The following HEPH variants were observed in gnomAD, a reference collection of about 807,000 sequenced individuals.
The protein encoded by HEPH is hephaestin.
In HEPH, 69 loss-of-function variants were observed where a neutral mutation model predicts 80.8. The ratio of observed to expected loss-of-function variants is 0.85; its 90% CI spans 0.70 to 1.04. The LOEUF is 1.04. HEPH is among the 50% of genes least tolerant of loss of function. The pLI is 0.00. For synonymous variants in HEPH, 431 were observed against 322.8 expected, an observed-to-expected ratio of 1.34 and a Z score of -3.60; for missense variants, 1,115 against 891.3, an observed-to-expected ratio of 1.25 and a Z score of -3.20.
At chrX:66,234,296 A>T (rs202007742) in intron 15 of HEPH, among the ~76,000 whole-genome samples, 1,679 of 105,523 alleles carry the variant, frequency 0.016, 26 homozygotes, top group African/African-American at 0.048. Context: ...TTCTTTTTTT[A>T]AAAAAAAAAA....
intron 1 of HEPH, among the ~76,000 whole-genome samples, chrX:66,169,096 G>A (rs189540379): frequency 1.8e-5 from 2 of 111,058 alleles, no homozygotes; most frequent in African/African-American, 3.3e-5. Context: ...CAACTCTACC[G>A]ATTTTTATCT....
chrX:66,246,097 TG>T (rs1413614425), intron 15 of HEPH, among the ~76,000 whole-genome samples: 1 of 111,869 alleles, frequency 8.9e-6, no homozygotes, highest in African/African-American at 3.3e-5. Flanking sequence ...GTGGGACTGC[TG>T]GGTTGGAAGC....
At chrX:66,229,598 T>A (rs2090036440) in intron 15 of HEPH, among the ~76,000 whole-genome samples, 1 of 111,458 alleles carries the variant, frequency 9.0e-6, no homozygotes, top group African/African-American at 3.3e-5. Flanking sequence ...AAAAACCTAT[T>A]GAAATAAAAA....
rs774534769 is a variant in HEPH, at chrX:66,197,767, C to G, written c.1586C>G (p.Ala529Gly). Residue 529 changes from alanine (A) to glycine (G), a missense_variant, in exon 10 of 21, where the codon GCT becomes GGT. Around this residue, in one of 3 missense-constraint regions of HEPH, gnomAD observed 716 missense variants for 523.5 expected, o/e 1.37. Coordinates refer to ENST00000343002, the MANE Select transcript of HEPH (RefSeq NM_001367233.3). The stretch of plus-strand genomic sequence containing the variant: ...GTCCCCCCTCATGCCGGTCCCACTG[C>G]TCAGGATCCTGCTTGTCTCACTTGG... ...WTVPPHAGPT[A>G]QDPACLTWMY... 9.9e-6 allele frequency: 12 copies of G among 1,209,968 alleles called. No individual in the cohort carries two copies. Among genetic ancestry groups the G allele is most frequent in the Middle Eastern group, 2.3e-4 (1 of 4,358 alleles).
chrX:66,232,296 A>C (rs60406733), intron 15 of HEPH, among the ~76,000 whole-genome samples: 1 of 111,079 alleles, frequency 9.0e-6, no homozygotes, highest in African/African-American at 3.3e-5. Flanking sequence ...GCCTCATAAA[A>C]TGAGTTAGGG....
chrX:66,208,627 CATACATATATAT>C (rs2088933660), intron 15 of HEPH, among the ~76,000 whole-genome samples: 1 of 35,785 alleles, frequency 2.8e-5, no homozygotes, highest in African/African-American at 9.9e-5. Context: ...CAAATATATA[CATACATATATAT>C]ATATATATAT....
At chrX:66,254,123 A>G (rs941523931) in intron 15 of HEPH, among the ~76,000 whole-genome samples, 1 of 111,892 alleles carries the variant, frequency 8.9e-6, no homozygotes, top group Non-Finnish European at 1.9e-5. Flanking sequence ...GTTAGAAAAG[A>G]TTAATATAGC....
chrX:66,253,912 A>G (rs1428534284), intron 15 of HEPH, among the ~76,000 whole-genome samples: 1 of 111,484 alleles, frequency 9.0e-6, no homozygotes, highest in African/African-American at 3.3e-5. Flanking sequence ...AGAAAGTGGA[A>G]TATTGATTAC....
intron 15 of HEPH, among the ~76,000 whole-genome samples, chrX:66,233,341 C>T (rs781712559): frequency 1.2e-4 from 13 of 111,479 alleles, no homozygotes; most frequent in African/African-American, 2.9e-4. Flanking sequence ...TGTTTTGAGG[C>T]CCCAGAGAGC....
chrX:66,252,604 A>T (rs2091041313), intron 15 of HEPH, among the ~76,000 whole-genome samples: 1 of 112,035 alleles, frequency 8.9e-6, no homozygotes, highest in South Asian at 3.7e-4. Context: ...AAGGTATGAC[A>T]TGAACAAAGA....
At chrX:66,240,557 C>G (rs622743) in intron 15 of HEPH, among the ~76,000 whole-genome samples, 1 of 105,289 alleles carries the variant, frequency 9.5e-6, no homozygotes, top group African/African-American at 3.4e-5. Flanking sequence ...AGACATACAA[C>G]GTAAAATCTA....
intron 13 of HEPH, among the ~76,000 whole-genome samples, chrX:66,206,332 C>T (rs996661425): frequency 1.1e-4 from 8 of 70,366 alleles, no homozygotes; most frequent in African/African-American, 3.7e-4. Flanking sequence ...ACAAGGAAAC[C>T]TGCCATCTTT....
intron 1 of HEPH, among the ~76,000 whole-genome samples, chrX:66,167,576 G>A (rs961765551): frequency 3.6e-5 from 4 of 112,235 alleles, no homozygotes; most frequent in Non-Finnish European, 7.5e-5. Context: ...GGAATGAACC[G>A]AGGACACTCC....
At chrX:66,224,851 CTCTGTCTCTGATTT>C (rs1205198702) in intron 15 of HEPH, among the ~76,000 whole-genome samples, 1 of 109,795 alleles carries the variant, frequency 9.1e-6, no homozygotes, top group African/African-American at 3.3e-5. Context: ...CTTTCTCTCT[CTCTGTCTCTGATTT>C]TCTGTCTCTT....
In HEPH at chrX:66,193,554, T is replaced by C; in HGVS notation, c.1285T>C (p.Trp429Arg). ...KSSSRIGGTY[W>R]KVRYEAFQDE... is the part of the protein sequence containing the mutation. ...CTCCAGCCGAATTGGGGGCACTTAC[T>C]GGAAAGTGCGATATGAAGCCTTTCA... is the stretch of plus-strand genomic sequence containing the variant. The change falls in exon 8 of 21, where the codon TGG (tryptophan) becomes CGG (arginine). Residue 429 changes from tryptophan to arginine, a missense_variant. Physicochemically the swap from Trp to Arg is moderately radical, Grantham distance 101. This residue lies in a region of HEPH where 391 missense variants were observed against 343.6 expected (regional missense o/e 1.14). Transcript: ENST00000343002. The C allele has an allele frequency of 8.4e-7, 1 of 1,189,088 alleles. No individual in the cohort carries two copies. Among genetic ancestry groups the C allele is most frequent in the South Asian group, 1.8e-5 (1 of 54,565 alleles).
chrX:66,230,058 G>T (rs1215094982), intron 15 of HEPH, among the ~76,000 whole-genome samples: 1 of 101,748 alleles, frequency 9.8e-6, no homozygotes, highest in Non-Finnish European at 2.0e-5. Flanking sequence ...AGTTTGCTGA[G>T]AATGATGATT....
At chrX:66,210,431 C>G (rs754451012) in intron 15 of HEPH, among the ~76,000 whole-genome samples, 1 of 110,839 alleles carries the variant, frequency 9.0e-6, no homozygotes, top group Admixed American at 9.6e-5. Flanking sequence ...AGGGTTGTGC[C>G]CAAAGGCTAA....
intron 3 of HEPH, 94 bp from the exon 4 acceptor site, chrX:66,173,495 C>A: frequency 1.7e-6 from 1 of 576,249 alleles, no homozygotes; most frequent in East Asian, 3.5e-5. Context: ...TAAGACTGGA[C>A]CTAGGGTTCT....
At chrX:66,177,636 A>T (rs865823588) in intron 4 of HEPH, among the ~76,000 whole-genome samples, 3 of 111,029 alleles carry the variant, frequency 2.7e-5, no homozygotes, top group Admixed American at 9.6e-5. Flanking sequence ...CTTGCTAATG[A>T]TCTATCAATT....
Sources: allele counts gnomAD v4.1 joint callset (sites outside exome capture counted in the v4.1 genomes callset), GRCh38; gene constraint gnomAD v4.1.1; regional missense constraint gnomAD v4.1.1; transcripts MANE v1.5; gene names NCBI Gene and HGNC (gene_info 2026-07-23, HGNC 2026-07-21).